The following CDH23 variants were observed in gnomAD, a reference collection of about 807,000 sequenced individuals.
CDH23 encodes the protein cadherin related 23.
A neutral mutation model predicts 317.1 loss-of-function variants in CDH23; 189 were observed. That is an observed-to-expected ratio of 0.60 (90% CI 0.53 to 0.67). CDH23 has a LOEUF of 0.67. Ranked by LOEUF, CDH23 falls within the 30% of genes least tolerant of loss-of-function variation. CDH23 has a pLI of 0.00. For synonymous variants in CDH23, 1,839 were observed against 1,876.8 expected, an observed-to-expected ratio of 0.98 and a Z score of 0.52; for missense variants, 4,401 against 4,592.4, an observed-to-expected ratio of 0.96 and a Z score of 1.20.
chr10:71,760,631 C>T (rs1840355093), intron 38 of CDH23: 2 of 510,746 alleles, frequency 3.9e-6, no homozygotes, highest in East Asian at 3.2e-5. Flanking sequence ...TGCCAAGGCA[C>T]AGCCACTCCA....
chr10:71,437,916 G>A (rs1382493757), intron 1 of CDH23, among the ~76,000 whole-genome samples: 1 of 152,154 alleles, frequency 6.6e-6, no homozygotes, highest in Non-Finnish European at 1.5e-5. Flanking sequence ...TTCCCTGCTG[G>A]CCTTGTAAGC....
intron 11 of CDH23, among the ~76,000 whole-genome samples, chr10:71,639,464 C>T (rs919702082): frequency 1.3e-5 from 2 of 152,192 alleles, no homozygotes; most frequent in Non-Finnish European, 2.9e-5. Flanking sequence ...CTCCTTCTGC[C>T]ACGTGTGGCA....
intron 18 of CDH23, 148 bp from the exon 19 acceptor site, chr10:71,687,499 A>G: frequency 1.4e-6 from 1 of 708,338 alleles, no homozygotes; most frequent in South Asian, 1.6e-5. Context: ...CTCCCTGCTG[A>G]CACCTCACCT....
At position 71,645,896 on chromosome 10, in the gene CDH23, G is replaced by A. The variant is rs397517304; in HGVS notation, c.1206G>A (p.Pro402=). Residue 402 remains proline, a synonymous_variant, in exon 13 of 70, where the codon CCG becomes CCA. Transcript: ENST00000224721. ...GNNSHHFIIS[P]TSVQGKADIR... The stretch of plus-strand genomic sequence containing the variant: ...ACTCCCACCACTTCATCATCTCCCC[G>A]ACCTCCGTCCAGGGGAAGGCGGACA... 46 of 1,613,588 alleles carry A rather than the reference G, an allele frequency of 2.9e-5. No individual in the cohort carries two copies. In the Admixed American group the frequency reaches 5.8e-4, roughly 20 times the overall value.
rs145235553 is a variant in CDH23, at chr10:71,487,455, T to A, written c.146-22627T>A. 3.3e-5 allele frequency among the ~76,000 whole-genome samples: 5 copies of A among 152,284 alleles called. No homozygotes were observed. In the East Asian group the frequency reaches 9.6e-4, roughly 29 times the overall value. On this transcript the variant is annotated intron_variant, in intron 3 of 69. Coordinates refer to ENST00000224721, the MANE Select transcript of CDH23 (RefSeq NM_022124.6). ...TGCTTACATGGACGTGACATAAGCG[T>A]GTCTCTAGAAAGAGACATAAGAAAC...
intron 3 of CDH23, among the ~76,000 whole-genome samples, chr10:71,447,705 C>T (rs1850239079): frequency 6.6e-6 from 1 of 152,178 alleles, no homozygotes; most frequent in African/African-American, 2.4e-5. Flanking sequence ...CTCTCATAGG[C>T]AGAGCCCCTT....
At chr10:71,753,147 A>G (rs1840048646) in intron 38 of CDH23, 1 of 862,752 alleles carries the variant, frequency 1.2e-6, no homozygotes, top group Non-Finnish European at 1.7e-6. Context: ...TTCTTTTCAC[A>G]TGGGTGCTGT....
chr10:71,686,453 C>A (rs1438570571), intron 18 of CDH23, among the ~76,000 whole-genome samples: 1 of 152,018 alleles, frequency 6.6e-6, no homozygotes, highest in Non-Finnish European at 1.5e-5. Context: ...AGGATCACTC[C>A]TGTCTGGGCA....
In CDH23 at chr10:71,705,056, A is replaced by T. The variant is rs775907196; in HGVS notation, c.2879A>T (p.Glu960Val). Residue 960 changes from glutamate to valine, a missense_variant, in exon 25 of 70, where the codon GAG becomes GTG. By Grantham distance (121) the Glu-to-Val change is moderately radical. This residue lies in a region of CDH23 where 3,068 missense variants were observed against 3,203.3 expected (regional missense o/e 0.96). Transcript: ENST00000224721. ...GAGCTGGACCGCGAGCGCATCGCGG[A>T]GTACCAGCTGCGGGTGGTGGCCAGT... Reference protein sequence around the residue: ...TTELDRERIAEYQLRVVASDA... With the variant: ...TTELDRERIAVYQLRVVASDA... 2 of 1,612,418 alleles carry T rather than the reference A, an allele frequency of 1.2e-6. No individual in the cohort carries two copies. Among genetic ancestry groups the T allele is most frequent in the African/African-American group, 2.7e-5 (2 of 74,886 alleles).
At chr10:71,481,842 C>T (rs1033533630) in intron 3 of CDH23, among the ~76,000 whole-genome samples, 15 of 152,316 alleles carry the variant, frequency 9.8e-5, no homozygotes, top group African/African-American at 2.9e-4. Context: ...CCCTGAGTCT[C>T]GCACTGTGTG....
At chr10:71,674,044 A>T (rs1864256691) in intron 14 of CDH23, among the ~76,000 whole-genome samples, 1 of 152,216 alleles carries the variant, frequency 6.6e-6, no homozygotes, top group Non-Finnish European at 1.5e-5. Context: ...ATTGAAAGGA[A>T]ATCCAACACA....
chr10:71,546,562 G>A (rs1856294200), intron 6 of CDH23, among the ~76,000 whole-genome samples: 1 of 152,230 alleles, frequency 6.6e-6, no homozygotes, highest in Non-Finnish European at 1.5e-5. Context: ...AACAAGTTGG[G>A]ACTGAAACAT....
At chr10:71,500,811 T>C (rs1426413193) in intron 3 of CDH23, among the ~76,000 whole-genome samples, 6 of 133,520 alleles carry the variant, frequency 4.5e-5, no homozygotes. Flanking sequence ...TTTCTTTTCT[T>C]TTCTTTTCTC....
intron 30 of CDH23, among the ~76,000 whole-genome samples, chr10:71,728,430 C>T (rs536249813): frequency 6.6e-6 from 1 of 152,282 alleles, no homozygotes; most frequent in Admixed American, 6.5e-5. Flanking sequence ...GCCACCCTCC[C>T]CACCCCAGAG....
chr10:71,407,476 G>C (rs1026760599), intron 1 of CDH23, among the ~76,000 whole-genome samples: 6 of 152,178 alleles, frequency 3.9e-5, no homozygotes, highest in African/African-American at 1.4e-4. Context: ...CCCTGAGCAG[G>C]TTACCCCCAT....
At chr10:71,627,363 C>CCTTATTGTG (rs1192661563) in intron 11 of CDH23, among the ~76,000 whole-genome samples, 6 of 108,798 alleles carry the variant, frequency 5.5e-5, no homozygotes, top group African/African-American at 2.2e-4. Context: ...TTCAGTGAGG[C>CCTTATTGTG]CCTTATTGTG....
intron 6 of CDH23, among the ~76,000 whole-genome samples, chr10:71,531,785 T>G (rs569039176): frequency 2.0e-5 from 3 of 152,232 alleles, no homozygotes; most frequent in Non-Finnish European, 4.4e-5. Context: ...TACACATAGA[T>G]TGGTTCTGTG....
intron 55 of CDH23, among the ~76,000 whole-genome samples, chr10:71,803,795 C>T (rs1477865337): frequency 7.9e-6 from 1 of 126,416 alleles, no homozygotes; most frequent in Non-Finnish European, 1.6e-5. Context: ...CATAGTGAAA[C>T]CCGATCTCTA....
intron 38 of CDH23, among the ~76,000 whole-genome samples, chr10:71,746,370 A>C (rs1222686917): frequency 1.3e-5 from 2 of 152,160 alleles, no homozygotes; most frequent in African/African-American, 4.8e-5. Flanking sequence ...GGTTCCTGAG[A>C]GCTGGACATT....
Sources: allele counts gnomAD v4.1 joint callset (sites outside exome capture counted in the v4.1 genomes callset), GRCh38; gene constraint gnomAD v4.1.1; regional missense constraint gnomAD v4.1.1; transcripts MANE v1.5; gene names NCBI Gene and HGNC (gene_info 2026-07-23, HGNC 2026-07-21).